The following MED23 variants were observed in gnomAD, a reference collection of about 807,000 sequenced individuals.
MED23 encodes mediator of RNA polymerase II transcription subunit 23.
Under a neutral mutation model 163.9 loss-of-function variants are expected in MED23, and 105 were observed. The ratio of observed to expected loss-of-function variants is 0.64; its 90% CI spans 0.55 to 0.75. MED23 has a LOEUF of 0.75. MED23 is among the 30% of genes least tolerant of loss of function. The pLI is 0.00. For synonymous variants in MED23, 561 were observed against 565.6 expected (o/e 0.99, Z 0.12); for missense variants, 1,054 against 1,649.0 (o/e 0.64, Z 6.25).
chr6:131,586,123 C>T (rs140111800), downstream of MED23, among the ~76,000 whole-genome samples: 1,718 of 152,288 alleles, frequency 0.011, 42 homozygotes, highest in African/African-American at 0.039. Flanking sequence ...GGGCCGGGCA[C>T]AGTGGCTCAC....
chr6:131,587,057 T>C lies in MED23; in HGVS notation c.*622A>G. ...CTTACATGGCTTCCAACTAATTTTA[T>C]ACAGTAAGTTCAAGTCCATAGCAAA... is the stretch of plus-strand genomic sequence containing the variant. On this transcript the variant is annotated 3_prime_UTR_variant, in exon 29 of 29. Transcript: ENST00000368068. 1.4e-6 allele frequency: 2 copies of C among 1,397,356 alleles called. No individual in the cohort carries two copies. The highest frequency in any genetic ancestry group is 1.9e-6 in the Non-Finnish European group (2 of 1,071,238). 86.6% of individuals were successfully genotyped at this position (1,397,356 alleles called of 1,614,324 possible). A position where few individuals can be genotyped will look rare whatever the true frequency, so the allele number is the denominator to read the frequency against.
In MED23 at chr6:131,596,509, G is replaced by T. The variant is rs1365158785; in HGVS notation, c.2778+9C>A. On this transcript the variant is annotated intron_variant, in intron 21 of 28. Coordinates refer to ENST00000368068, the MANE Select transcript of MED23 (RefSeq NM_004830.4). The stretch of plus-strand genomic sequence containing the variant: ...AAGGACTATTTGAAATACCAATTAG[G>T]ACTAGTACCTTGTGATAATTCATGT... The T allele has an allele frequency of 2.5e-6, 4 of 1,613,856 alleles. No homozygotes were observed. The highest frequency in any genetic ancestry group is 3.4e-6 in the Non-Finnish European group (4 of 1,179,800).
At chr6:131,625,591 T>G (rs901068942) in intron 3 of MED23, among the ~76,000 whole-genome samples, 1 of 152,222 alleles carries the variant, frequency 6.6e-6, no homozygotes, top group Non-Finnish European at 1.5e-5. Context: ...TTCTCATACA[T>G]ACTTCTATTG....
At chr6:131,604,679 G>C (rs776026449) in intron 14 of MED23, among the ~76,000 whole-genome samples, 2 of 152,186 alleles carry the variant, frequency 1.3e-5, no homozygotes, top group Non-Finnish European at 1.5e-5. Flanking sequence ...ATAAATCACT[G>C]CTAAGACCCA....
chr6:131,602,411 A>T, intron 16 of MED23, 30 bp from the exon 17 acceptor site: 1 of 1,603,276 alleles, frequency 6.2e-7, no homozygotes, highest in Non-Finnish European at 8.5e-7. Flanking sequence ...AAAGAAATGT[A>T]AAAAAATTTC....
At chr6:131,622,419 C>G (rs1011011602) in intron 5 of MED23, among the ~76,000 whole-genome samples, 3 of 152,166 alleles carry the variant, frequency 2.0e-5, no homozygotes, top group Admixed American at 2.0e-4. Flanking sequence ...CTGTGACTGG[C>G]CTATTCTCCC....
chr6:131,598,631 C>A lies in MED23; in HGVS notation c.2351G>T (p.Gly784Val). 3.7e-6 allele frequency: 6 copies of A among 1,614,078 alleles called. No individual in the cohort carries two copies. The highest frequency in any genetic ancestry group is 1.3e-5 in the African/African-American group (1 of 75,020). ...NDIITHFSMQ[G>V]SPPLFLCLLW... The stretch of plus-strand genomic sequence containing the variant: ...AAGACAAAGAAAGAGAGGAGGGGAG[C>A]CCTGCATAGAGAAGTGGGTAATAAT... The change falls in exon 19 of 29, where the codon GGC becomes GTC. Residue 784 changes from glycine (G) to valine (V), a missense_variant. Transcript: ENST00000368068. The surrounding 1 kb of genome is among the most constrained non-coding windows in gnomAD (Gnocchi z 4.7).
Position 131,591,323 on chromosome 6 carries a change from G to C in MED23, c.3676C>G (p.Leu1226Val). The change falls in exon 26 of 29, where the codon CTC becomes GTC. Residue 1226 changes from leucine to valine, a missense_variant. Physicochemically the swap from Leu to Val is conservative, Grantham distance 32. Coordinates refer to ENST00000368068, the MANE Select transcript of MED23 (RefSeq NM_004830.4). ...AATTATTATACTTACTTTGGAATGA[G>C]AGAAAGTTGTCCGATGCTAGAATGG... ...WHHSSIGQLS[L>V]IPKFLTEVLL... The C allele has an allele frequency of 1.9e-6, 3 of 1,610,424 alleles. No individual in the cohort carries two copies. Among genetic ancestry groups the C allele is most frequent in the East Asian group, 2.2e-5 (1 of 44,848 alleles).
At chr6:131,579,243 A>G (rs1242167030) in intron 30 of MED23, 1 of 1,614,126 alleles carries the variant, frequency 6.2e-7, no homozygotes, top group Admixed American at 1.7e-5. Context: ...GCAGAAGTCA[A>G]GAAGAACGGA....
At chr6:131,582,230 CA>C (rs1773962924), downstream of MED23, among the ~76,000 whole-genome samples, 1 of 152,158 alleles carries the variant, frequency 6.6e-6, no homozygotes, top group Non-Finnish European at 1.5e-5. Context: ...CATATTATCA[CA>C]TTAAGAATAA....
At chr6:131,593,257 C>CT (rs1774785447) in intron 23 of MED23, 86 bp from the exon 24 acceptor site, 1 of 1,532,686 alleles carries the variant, frequency 6.5e-7, no homozygotes, top group Non-Finnish European at 9.0e-7. Context: ...AGTGATTTGT[C>CT]TACGCTTAGA....
At chr6:131,608,191 G>T in intron 11 of MED23, 120 bp from the exon 12 acceptor site, 1 of 1,089,784 alleles carries the variant, frequency 9.2e-7, no homozygotes, top group Non-Finnish European at 1.4e-6. Flanking sequence ...CTCTGAGAAA[G>T]TCAGCATCTA....
intron 5 of MED23, 24 bp downstream of exon 5, chr6:131,623,327 C>G (rs1426816356): frequency 6.3e-7 from 1 of 1,577,484 alleles, no homozygotes; most frequent in Non-Finnish European, 8.7e-7. Flanking sequence ...AAAGCAATCA[C>G]TTTTTATAAT....
intron 12 of MED23, 50 bp downstream of exon 12, chr6:131,607,878 A>C (rs1262408990): frequency 6.4e-7 from 1 of 1,574,666 alleles, no homozygotes; most frequent in African/African-American, 1.4e-5. Context: ...CATAAATTAG[A>C]CATAATTTAC....
In MED23 at chr6:131,587,099, G is replaced by C; in HGVS notation, c.*580C>G. On this transcript the variant is annotated 3_prime_UTR_variant, in exon 29 of 29. Coordinates refer to ENST00000368068, the MANE Select transcript of MED23 (RefSeq NM_004830.4). The stretch of plus-strand genomic sequence containing the variant: ...CATAGCAAAGGTAATAAAACTGCCA[G>C]TTGACCTTGATAGAAACTATGGAAA... 7.8e-7 allele frequency: 1 copy of C among 1,278,318 alleles called. No individual in the cohort carries two copies. Among genetic ancestry groups the C allele is most frequent in the Non-Finnish European group, 9.9e-7 (1 of 1,005,044 alleles). 79.2% of individuals were successfully genotyped at this position (1,278,318 alleles called of 1,614,324 possible).
intron 26 of MED23, 42 bp from the exon 27 acceptor site, chr6:131,590,484 T>C (rs897729305): frequency 6.7e-6 from 10 of 1,484,960 alleles, no homozygotes; most frequent in Non-Finnish European, 6.6e-6. Context: ...TTGAAATTAT[T>C]TAAATTGTTT....
Position 131,587,496 on chromosome 6 carries a change from T to A in MED23, c.*183A>T. 7.0e-7 allele frequency: 1 copy of A among 1,435,324 alleles called. No individual in the cohort carries two copies. Among genetic ancestry groups the A allele is most frequent in the Non-Finnish European group, 9.1e-7 (1 of 1,098,118 alleles). 88.9% of individuals were successfully genotyped at this position (1,435,324 alleles called of 1,614,324 possible). On this transcript the variant is annotated 3_prime_UTR_variant, in exon 29 of 29. Transcript: ENST00000368068. ...ACTTGATCTCTTAGAGACAAAAATA[T>A]AGATAGGGAGATGGGAGTTATAAGG...
At chr6:131,610,513 T>C (rs1444137547) in intron 10 of MED23, among the ~76,000 whole-genome samples, 1 of 152,190 alleles carries the variant, frequency 6.6e-6, no homozygotes, top group Non-Finnish European at 1.5e-5. Flanking sequence ...ATTGTTTCAA[T>C]TTGACAAAGG....
intron 9 of MED23, among the ~76,000 whole-genome samples, chr6:131,617,972 G>A (rs1401156871): frequency 6.6e-6 from 1 of 152,144 alleles, no homozygotes; most frequent in East Asian, 1.9e-4. Flanking sequence ...AATGGAGACA[G>A]TTTCTAAATT....
Sources: gnomAD v4.1 joint callset for allele counts (sites outside exome capture counted in the v4.1 genomes callset) on GRCh38, gnomAD v4.1.1 for gene constraint, Gnocchi (gnomAD v3.1) non-coding constraint, MANE v1.5 for transcripts, NCBI Gene and HGNC (gene_info 2026-07-23, HGNC 2026-07-21) for gene names.